OTUD7A: variants seen among roughly 807,000 people sequenced by gnomAD.
OTUD7A encodes the protein OTU domain-containing protein 7A.
In OTUD7A, 12 loss-of-function variants were observed where a neutral mutation model predicts 65.7. The ratio of observed to expected loss-of-function variants is 0.18; its 90% CI spans 0.12 to 0.30. OTUD7A has a LOEUF of 0.30. OTUD7A is among the 10% of genes least tolerant of loss of function. The pLI is 1.00. For missense variants in OTUD7A, 1,148 were observed against 1,304.8 expected (o/e 0.88, Z 1.85); for synonymous variants, 641 against 586.3 (o/e 1.09, Z -1.35).
chr15:31,648,760 TTTA>T (rs1044838230), intron 3 of OTUD7A, among the ~76,000 whole-genome samples: 1 of 152,056 alleles, frequency 6.6e-6, no homozygotes, highest in African/African-American at 2.4e-5. Flanking sequence ...CTGCCTTTAT[TTTA>T]TTATTATTAT....
intron 1 of OTUD7A, among the ~76,000 whole-genome samples, chr15:31,786,237 T>C (rs1309310529): frequency 1.3e-5 from 2 of 152,226 alleles, no homozygotes; most frequent in Non-Finnish European, 2.9e-5. Context: ...AACTACCTAC[T>C]TTCATGTATC....
At chr15:31,499,419 C>T (rs1230042043) in intron 10 of OTUD7A, among the ~76,000 whole-genome samples, 1 of 152,220 alleles carries the variant, frequency 6.6e-6, no homozygotes, top group Non-Finnish European at 1.5e-5. Context: ...CCACCAGGTC[C>T]TGCGACTTTG....
At position 31,767,847 on chromosome 15, in the gene OTUD7A, A is replaced by G. The variant is rs777859891; in HGVS notation, c.-100+102660T>C. The G allele has an allele frequency of 6.6e-4, 676 of 1,028,998 alleles. 1 individual carries two copies. The highest frequency in any genetic ancestry group is 6.0e-4 in the Non-Finnish European group (395 of 658,714). 63.7% of individuals were successfully genotyped at this position (1,028,998 alleles called of 1,614,324 possible). A position where few individuals can be genotyped will look rare whatever the true frequency, so the allele number is the denominator to read the frequency against. On this transcript the variant is annotated intron_variant, in intron 1 of 12. Transcript: ENST00000307050. ...AAGTTCTCTATGCTGTTTTTTCTCA[A>G]TTCTGGATGCCTTCGTGGTAGAGTT...
intron 1 of OTUD7A, among the ~76,000 whole-genome samples, chr15:31,727,684 T>C (rs10459622): frequency 0.98 from 149,705 of 152,302 alleles, 73,628 homozygotes; most frequent in East Asian, 1. Flanking sequence ...CTAAGATCCA[T>C]GGGATGGCCC....
intron 3 of OTUD7A, among the ~76,000 whole-genome samples, chr15:31,631,783 C>T (rs768437516): frequency 3.3e-5 from 5 of 152,254 alleles, no homozygotes; most frequent in East Asian, 1.9e-4. Context: ...AGGCTTTGTT[C>T]ATTTCTTTTT....
At chr15:31,757,272 T>C (rs1318241121) in intron 1 of OTUD7A, among the ~76,000 whole-genome samples, 1 of 151,914 alleles carries the variant, frequency 6.6e-6, no homozygotes, top group Non-Finnish European at 1.5e-5. Flanking sequence ...AGTTACTTCA[T>C]CTCTTCTTTT....
At chr15:31,856,444 G>A (rs1194469866) in intron 1 of OTUD7A, among the ~76,000 whole-genome samples, 1 of 152,174 alleles carries the variant, frequency 6.6e-6, no homozygotes, top group Non-Finnish European at 1.5e-5. Context: ...GTAAAAACTA[G>A]TATGACTCGA....
chr15:31,726,050 C>T (rs1332302598), intron 1 of OTUD7A, among the ~76,000 whole-genome samples: 5 of 73,182 alleles, frequency 6.8e-5, no homozygotes, highest in Non-Finnish European at 1.4e-4. Flanking sequence ...CTGAGCCAGA[C>T]AGAGTTTTTT....
chr15:31,652,769 A>G (rs1332001551), intron 3 of OTUD7A, among the ~76,000 whole-genome samples: 2 of 152,250 alleles, frequency 1.3e-5, no homozygotes, highest in African/African-American at 2.4e-5. Flanking sequence ...AAAACCATGA[A>G]GAAATACCAT....
intron 1 of OTUD7A, among the ~76,000 whole-genome samples, chr15:31,829,138 G>A (rs1415407889): frequency 6.6e-6 from 1 of 152,194 alleles, no homozygotes; most frequent in Non-Finnish European, 1.5e-5. Context: ...AGCAAACTAT[G>A]GGGCAGTAGC....
chr15:31,714,636 G>A (rs1181403139), intron 1 of OTUD7A, among the ~76,000 whole-genome samples: 1 of 152,256 alleles, frequency 6.6e-6, no homozygotes, highest in Non-Finnish European at 1.5e-5. Context: ...CAGCCCTTAT[G>A]CAAAGCTAAT....
At position 31,546,472 on chromosome 15, in the gene OTUD7A, T is replaced by C. The variant is rs1888133766; in HGVS notation, c.550+12497A>G. Among the ~76,000 whole-genome samples the C allele has an allele frequency of 2.0e-5, 3 of 152,300 alleles. No homozygotes were observed. In the South Asian group the frequency reaches 6.2e-4, roughly 32 times the overall value. On this transcript the variant is annotated intron_variant, in intron 5 of 12. Coordinates refer to ENST00000307050, the MANE Select transcript of OTUD7A (RefSeq NM_001382637.1). Reference sequence around the variant, plus strand: ...GAATTAGTGTTTGTATAAAAGACTCTAGAGAGCTTCAACTCTCAAACTGTC... The same window carrying C: ...GAATTAGTGTTTGTATAAAAGACTCCAGAGAGCTTCAACTCTCAAACTGTC...
In OTUD7A at chr15:31,487,188, G is replaced by T. The variant is rs1251597688; in HGVS notation, c.1371+6C>A. Reference sequence around the variant, plus strand: ...CCAGGTCTGGTCCCAGCACAGCCAGGCTCACCCGTGTCTCGGAGGGGATCC... The same window carrying T: ...CCAGGTCTGGTCCCAGCACAGCCAGTCTCACCCGTGTCTCGGAGGGGATCC... On this transcript the variant is annotated splice_donor_region_variant and intron_variant, in intron 12 of 12. Transcript: ENST00000307050. The surrounding 1 kb of genome is among the most constrained non-coding windows in gnomAD (Gnocchi z 6.0). The T allele has an allele frequency of 2.4e-5, 39 of 1,612,840 alleles. No homozygotes were observed. The highest frequency in any genetic ancestry group is 3.1e-5 in the Non-Finnish European group (37 of 1,179,546).
At chr15:31,510,385 T>A (rs1234864306) in intron 8 of OTUD7A, among the ~76,000 whole-genome samples, 37 of 151,534 alleles carry the variant, frequency 2.4e-4, no homozygotes, top group Non-Finnish European at 2.9e-4. Context: ...TTGCTTTTTT[T>A]TTTCCCCTTC....
rs373424702 is a variant in OTUD7A at position 31,786,840 on chromosome 15, G to A, written c.-100+83667C>T. Among the ~76,000 whole-genome samples the A allele has an allele frequency of 3.3e-4, 50 of 152,244 alleles. No homozygotes were observed. In the South Asian group the frequency reaches 9.5e-3, roughly 29 times the overall value. Reference sequence around the variant, plus strand: ...CAGAGTTCTGACCCAGGACCCCGCAGTGATATCACAGACAGACTGTAACCG... The same window carrying A: ...CAGAGTTCTGACCCAGGACCCCGCAATGATATCACAGACAGACTGTAACCG... On this transcript the variant is annotated intron_variant, in intron 1 of 12. Transcript: ENST00000307050.
chr15:31,797,673 C>T (rs528557768), intron 1 of OTUD7A, among the ~76,000 whole-genome samples: 2 of 152,332 alleles, frequency 1.3e-5, no homozygotes, highest in East Asian at 3.9e-4. Flanking sequence ...CGCCTTCACT[C>T]CCAAACTCTA....
In OTUD7A at chr15:31,688,077, G is replaced by A. The variant is rs145842454; in HGVS notation, c.-99-31000C>T. 7.5e-3 allele frequency among the ~76,000 whole-genome samples: 1,137 copies of A among 152,196 alleles called. 13 individuals carry two copies. Among genetic ancestry groups the A allele is most frequent in the African/African-American group, 0.025 (1,029 of 41,518 alleles). ...CTAAAAATACAAAAATTAGCTGGGC[G>A]TGGTGACGGGCGCCTGTAGTCCCAG... On this transcript the variant is annotated intron_variant, in intron 1 of 12. Coordinates refer to ENST00000307050, the MANE Select transcript of OTUD7A (RefSeq NM_001382637.1).
intron 1 of OTUD7A, among the ~76,000 whole-genome samples, chr15:31,754,148 G>C (rs1894743030): frequency 6.6e-6 from 1 of 151,660 alleles, no homozygotes; most frequent in African/African-American, 2.4e-5. Context: ...TATGATTGTT[G>C]GCCATTTGTA....
chr15:31,484,540 G>T lies in OTUD7A; in HGVS notation c.1556C>A (p.Ser519Tyr). ...GAAGCTGCCCAGCTTGTTGGCCACG[G>T]AGTCGGCGCGCGTCTTGTCCTTCTC... ...RKEKDKTRAD[S>Y]VANKLGSFSK... Residue 519 changes from serine (S) to tyrosine (Y), a missense_variant, in exon 13 of 13, where the codon TCC becomes TAC. By Grantham distance (144) the Ser-to-Tyr change is moderately radical. Transcript: ENST00000307050. The surrounding 1 kb of genome is among the most constrained non-coding windows in gnomAD (Gnocchi z 4.5). The T allele has an allele frequency of 6.2e-7, 1 of 1,611,312 alleles. No individual in the cohort carries two copies. Among genetic ancestry groups the T allele is most frequent in the South Asian group, 1.1e-5 (1 of 91,068 alleles).
Sources: gnomAD v4.1 joint callset for allele counts (sites outside exome capture counted in the v4.1 genomes callset) on GRCh38, gnomAD v4.1.1 for gene constraint, Gnocchi (gnomAD v3.1) non-coding constraint, MANE v1.5 for transcripts, NCBI Gene and HGNC (gene_info 2026-07-23, HGNC 2026-07-21) for gene names.